SIK3: variants seen among roughly 807,000 people sequenced by gnomAD.
SIK3 encodes serine/threonine-protein kinase SIK3.
In SIK3, 28 loss-of-function variants were observed where a neutral mutation model predicts 144.2. That is an observed-to-expected ratio of 0.19 (90% CI 0.14 to 0.27). The LOEUF is 0.27. Ranked by LOEUF, SIK3 falls within the 10% of genes least tolerant of loss-of-function variation. The pLI is 1.00. For missense variants in SIK3, 1,319 were observed against 1,776.0 expected, an observed-to-expected ratio of 0.74 and a Z score of 4.62; for synonymous variants, 686 against 676.3, an observed-to-expected ratio of 1.01 and a Z score of -0.22.
intron 1 of SIK3, among the ~76,000 whole-genome samples, chr11:117,022,280 A>G (rs1047724110): frequency 2.1e-4 from 28 of 131,070 alleles, no homozygotes; most frequent in Non-Finnish European, 3.8e-4. Flanking sequence ...TAATTCATCA[A>G]ATCTCATTAA....
Position 116,888,085 on chromosome 11 carries a change from G to C in SIK3, c.865+8168C>G, listed in dbSNP as rs565495390. On this transcript the variant is annotated intron_variant, in intron 6 of 24. Coordinates refer to ENST00000445177, the MANE Select transcript of SIK3 (RefSeq NM_001366686.3). Reference sequence around the variant, plus strand: ...GCAGAGCATGGCCTCCCACACAGCTGTATGTAGCTACTCTGGAATTCAACT... The same window carrying C: ...GCAGAGCATGGCCTCCCACACAGCTCTATGTAGCTACTCTGGAATTCAACT... 4.6e-5 allele frequency among the ~76,000 whole-genome samples: 7 copies of C among 152,282 alleles called. No individual in the cohort carries two copies. In the East Asian group the frequency reaches 1.3e-3, roughly 29 times the overall value.
chr11:117,013,370 T>C (rs1459194715), intron 1 of SIK3, among the ~76,000 whole-genome samples: 1 of 151,968 alleles, frequency 6.6e-6, no homozygotes, highest in Non-Finnish European at 1.5e-5. Context: ...CACACGCCTA[T>C]AATCCTAGAT....
chr11:117,047,521 T>C (rs987567817), intron 1 of SIK3, among the ~76,000 whole-genome samples: 7 of 152,134 alleles, frequency 4.6e-5, no homozygotes, highest in African/African-American at 1.7e-4. Flanking sequence ...ATATAGAGAA[T>C]CTGGAAATTT....
At chr11:116,873,319 G>A (rs1038716405) in intron 13 of SIK3, among the ~76,000 whole-genome samples, 162 bp downstream of exon 13, 1 of 152,204 alleles carries the variant, frequency 6.6e-6, no homozygotes, top group Non-Finnish European at 1.5e-5. Flanking sequence ...AATAAAGTGT[G>A]GAAAACTCTA....
chr11:117,051,168 G>T (rs935195457), intron 1 of SIK3, among the ~76,000 whole-genome samples: 1 of 152,128 alleles, frequency 6.6e-6, no homozygotes, highest in Non-Finnish European at 1.5e-5. Context: ...CTTGAGCTGG[G>T]ATATCCATCT....
intron 1 of SIK3, among the ~76,000 whole-genome samples, chr11:116,988,027 A>G (rs1950378646): frequency 6.6e-6 from 1 of 152,206 alleles, no homozygotes; most frequent in Non-Finnish European, 1.5e-5. Flanking sequence ...TTCTTATTCT[A>G]ACCTAACCCC....
chr11:116,973,247 T>C (rs546117698), intron 1 of SIK3, among the ~76,000 whole-genome samples: 2 of 152,272 alleles, frequency 1.3e-5, no homozygotes, highest in African/African-American at 2.4e-5. Context: ...GGTTGCTACA[T>C]AGTAATAGAA....
chr11:116,887,335 G>C (rs186960827), intron 6 of SIK3, among the ~76,000 whole-genome samples: 2 of 151,960 alleles, frequency 1.3e-5, no homozygotes, highest in Non-Finnish European at 2.9e-5. Context: ...ACAAGAGTCT[G>C]GCAGGGCACG....
chr11:116,896,444 T>A, intron 5 of SIK3, 68 bp from the exon 6 acceptor site: 2 of 1,540,324 alleles, frequency 1.3e-6, no homozygotes, highest in East Asian at 2.3e-5. Context: ...TACTGTAGTG[T>A]GTGTATGCAG....
intron 10 of SIK3, 47 bp downstream of exon 10, chr11:116,875,327 G>T (rs762355520): frequency 1.2e-6 from 2 of 1,612,472 alleles, no homozygotes; most frequent in African/African-American, 2.7e-5. Flanking sequence ...CAAGGATATG[G>T]CAAAGAAAGT....
intron 1 of SIK3, among the ~76,000 whole-genome samples, chr11:117,080,814 G>A (rs1406050711): frequency 6.6e-6 from 1 of 151,994 alleles, no homozygotes; most frequent in Admixed American, 6.6e-5. Flanking sequence ...TGGGTGTGGT[G>A]GCGCGCACCT....
intron 1 of SIK3, among the ~76,000 whole-genome samples, chr11:117,094,755 ATACTT>A (rs1300706049): frequency 6.6e-6 from 1 of 151,656 alleles, no homozygotes; most frequent in Non-Finnish European, 1.5e-5. Flanking sequence ...AATATCTGTA[ATACTT>A]TATAGTTTCC....
intron 21 of SIK3, among the ~76,000 whole-genome samples, chr11:116,852,823 C>G (rs574854828): frequency 6.6e-6 from 1 of 152,268 alleles, no homozygotes; most frequent in Admixed American, 6.5e-5. Context: ...GCCTCTGATT[C>G]AGGACAGACA....
intron 20 of SIK3, 27 bp downstream of exon 20, chr11:116,859,238 T>C (rs1296804445): frequency 3.2e-6 from 5 of 1,576,912 alleles, no homozygotes; most frequent in East Asian, 2.3e-5. Flanking sequence ...CATGCATAGA[T>C]GGCTGGGTGA....
intron 1 of SIK3, among the ~76,000 whole-genome samples, chr11:116,959,321 GA>G (rs886690806): frequency 2.0e-5 from 3 of 150,108 alleles, no homozygotes; most frequent in African/African-American, 4.9e-5. Flanking sequence ...TGTCTCAAAA[GA>G]AAAAAAAAGA....
chr11:116,995,985 A>C (rs573855840), intron 1 of SIK3, among the ~76,000 whole-genome samples: 1 of 152,060 alleles, frequency 6.6e-6, no homozygotes, highest in African/African-American at 2.4e-5. Flanking sequence ...ACTTCATCTT[A>C]ATTAATTAAT....
At chr11:116,979,326 C>T (rs1436596377) in intron 1 of SIK3, among the ~76,000 whole-genome samples, 1 of 151,966 alleles carries the variant, frequency 6.6e-6, no homozygotes, top group African/African-American at 2.4e-5. Flanking sequence ...TTTTTCATGA[C>T]TTTCCTATTT....
intron 1 of SIK3, among the ~76,000 whole-genome samples, chr11:117,058,662 A>G (rs1470097452): frequency 6.6e-6 from 1 of 152,192 alleles, no homozygotes; most frequent in Non-Finnish European, 1.5e-5. Flanking sequence ...AGGTGACACG[A>G]ACCAAAGGAA....
At chr11:117,071,388 C>T (rs923019928) in intron 1 of SIK3, among the ~76,000 whole-genome samples, 3 of 151,646 alleles carry the variant, frequency 2.0e-5, no homozygotes, top group Admixed American at 1.3e-4. Flanking sequence ...ACATGAAGAT[C>T]GGGCTTCCAC....
Sources: allele counts gnomAD v4.1 joint callset (sites outside exome capture counted in the v4.1 genomes callset), GRCh38; gene constraint gnomAD v4.1.1; transcripts MANE v1.5; gene names NCBI Gene and HGNC (gene_info 2026-07-23, HGNC 2026-07-21).